PRPF39: variants seen among roughly 807,000 people sequenced by gnomAD.
PRPF39 encodes the protein pre-mRNA-processing factor 39.
In PRPF39, 27 loss-of-function variants were observed where a neutral mutation model predicts 82.1. The observed-to-expected ratio is 0.33, with a 90% confidence interval of 0.24 to 0.45. PRPF39 has a LOEUF of 0.45. Ranked by LOEUF, PRPF39 falls within the 20% of genes least tolerant of loss-of-function variation. The pLI, the probability that PRPF39 is intolerant of heterozygous loss-of-function variation, is 1.00. For missense variants in PRPF39, 581 were observed against 796.9 expected (o/e 0.73, Z 3.26); for synonymous variants, 261 against 256.4 (o/e 1.02, Z -0.17).
intron 4 of PRPF39, among the ~76,000 whole-genome samples, chr14:45,100,306 C>T (rs376140985): frequency 1.3e-5 from 2 of 152,160 alleles, no homozygotes; most frequent in South Asian, 2.1e-4. Flanking sequence ...TTGTATGGGG[C>T]ATTGTCAGTT....
intron 12 of PRPF39, 68 bp downstream of exon 12, chr14:45,114,325 T>G: frequency 7.0e-7 from 1 of 1,419,204 alleles, no homozygotes; most frequent in Non-Finnish European, 9.7e-7. Context: ...GACAAATGTT[T>G]TTAAGTGTTA....
In PRPF39 at chr14:45,109,663, A is replaced by C; in HGVS notation, c.1059A>C (p.Leu353=). The change falls in exon 8 of 14, where the codon CTA becomes CTC. Residue 353 remains leucine (L), a synonymous_variant. Coordinates refer to ENST00000355765, the MANE Select transcript of PRPF39 (RefSeq NM_017922.4). ...FHVKPLEKAQ[L]KNWKEYLEFE... ...TGAAACCTTTGGAAAAGGCACAACT[A>C]AAAAACTGGAAAGAATACTTAGAAT... is the stretch of plus-strand genomic sequence containing the variant. The C allele has an allele frequency of 6.2e-7, 1 of 1,607,666 alleles. No homozygotes were observed. Among genetic ancestry groups the C allele is most frequent in the East Asian group, 2.2e-5 (1 of 44,788 alleles).
At chr14:45,097,077 A>G in intron 4 of PRPF39, 72 bp downstream of exon 4, 1 of 1,435,908 alleles carries the variant, frequency 7.0e-7, no homozygotes, top group Non-Finnish European at 9.1e-7. Flanking sequence ...AATAGAGCTC[A>G]TGAAAGCTAA....
Position 45,102,683 on chromosome 14 carries a change from C to A in PRPF39, c.724C>A (p.His242Asn). The A allele has an allele frequency of 6.3e-7, 1 of 1,595,972 alleles. No individual in the cohort carries two copies. Among genetic ancestry groups the A allele is most frequent in the South Asian group, 1.2e-5 (1 of 86,650 alleles). The change falls in exon 5 of 14, where the codon CAT becomes AAT. Residue 242 changes from histidine to asparagine, a missense_variant. By Grantham distance (68) the His-to-Asn change is moderately conservative (BLOSUM62 1). Transcript: ENST00000355765. ...TGGTATTCCAACACAGCTGTATAGT[C>A]ATCATTTTCAGAGGTAGGTGGGAAA... ...ILGIPTQLYS[H>N]HFQRFKEHVQ...
At chr14:45,099,518 C>T (rs931583670) in intron 4 of PRPF39, among the ~76,000 whole-genome samples, 2 of 152,044 alleles carry the variant, frequency 1.3e-5, no homozygotes, top group Non-Finnish European at 2.9e-5. Flanking sequence ...GATCTCGGCT[C>T]ACTGCAAGCT....
At chr14:45,104,499 G>A (rs1171448767) in intron 5 of PRPF39, among the ~76,000 whole-genome samples, 2 of 151,782 alleles carry the variant, frequency 1.3e-5, no homozygotes, top group Non-Finnish European at 2.9e-5. Context: ...TGTACCTGTT[G>A]ATAGGCTATT....
intron 6 of PRPF39, 35 bp from the exon 7 acceptor site, chr14:45,108,380 T>G: frequency 6.4e-7 from 1 of 1,554,982 alleles, no homozygotes; most frequent in Non-Finnish European, 8.6e-7. Flanking sequence ...GTATACAGTT[T>G]GTGAGATTTA....
rs142868617 is a variant in PRPF39, at chr14:45,094,000, A to G, written c.-19-1221A>G. Among the ~76,000 whole-genome samples, 486 of 152,184 alleles carry G rather than the reference A, an allele frequency of 3.2e-3. 1 individual carries two copies. The highest frequency in any genetic ancestry group is 0.011 in the African/African-American group (470 of 41,540). ...GCTATTTGGTACACTCATTATTTTG[A>G]TTTATGTCTTTATTAGTAAAGATAT... On this transcript the variant is annotated intron_variant, in intron 1 of 13. Transcript: ENST00000355765.
In PRPF39 at chr14:45,110,971, T is replaced by C; in HGVS notation, c.1572+154T>C. 1.3e-6 allele frequency: 1 copy of C among 764,150 alleles called. No individual in the cohort carries two copies. Among genetic ancestry groups the C allele is most frequent in the Non-Finnish European group, 2.0e-6 (1 of 497,312 alleles). The allele number at this position is 764,150 out of a possible 1,614,324, so 47.3% of individuals were successfully genotyped here. ...GTCCCTCTAAACTGATGTTGCCATT[T>C]AAAAATTTTTTTCAAATTGTTTTGA... On this transcript the variant is annotated intron_variant, in intron 10 of 13. Coordinates refer to ENST00000355765, the MANE Select transcript of PRPF39 (RefSeq NM_017922.4). This position sits in a 1 kb window ranked among gnomAD's most constrained non-coding sequence, Gnocchi z 4.0.
chr14:45,096,172 T>C lies in PRPF39; in HGVS notation c.394T>C (p.Trp132Arg). 6.3e-7 allele frequency: 1 copy of C among 1,591,938 alleles called. No homozygotes were observed. Among genetic ancestry groups the C allele is most frequent in the South Asian group, 1.1e-5 (1 of 87,448 alleles). ...ACACTATCCGTATTGCTATGGTTAC[T>C]GGAAAAAGTATGCAGACCTTGAAAA... ...FIHYPYCYGY[W>R]KKYADLEKRH... The change falls in exon 3 of 14, where the codon TGG (tryptophan) becomes CGG (arginine). Residue 132 changes from tryptophan (W) to arginine (R), a missense_variant. Physicochemically the swap from Trp to Arg is moderately radical, Grantham distance 101. Transcript: ENST00000355765.
chr14:45,114,631 A>T lies in PRPF39; in HGVS notation c.1953+17A>T. On this transcript the variant is annotated intron_variant, in intron 13 of 13. Coordinates refer to ENST00000355765, the MANE Select transcript of PRPF39 (RefSeq NM_017922.4). ...TGGTATCAAGTGAGTCTGCATAATTATAATTCTTTGTTCATAGATGTTATT... is the reference window on the plus strand; with the variant it reads ...TGGTATCAAGTGAGTCTGCATAATTTTAATTCTTTGTTCATAGATGTTATT... The T allele has an allele frequency of 6.3e-7, 1 of 1,592,480 alleles. No homozygotes were observed. Among genetic ancestry groups the T allele is most frequent in the South Asian group, 1.2e-5 (1 of 85,864 alleles).
rs1199403861 is a variant in PRPF39, at chr14:45,102,727, C to T, written c.737+31C>T. The T allele has an allele frequency of 4.0e-6, 6 of 1,518,296 alleles. No individual in the cohort carries two copies. In the African/African-American group the frequency reaches 5.6e-5, roughly 14 times the overall value. The allele number at this position is 1,518,296 out of a possible 1,614,324, so 94.1% of individuals were successfully genotyped here. A position where few individuals can be genotyped will look rare whatever the true frequency, so the allele number is the denominator to read the frequency against. On this transcript the variant is annotated intron_variant, in intron 5 of 13. Coordinates refer to ENST00000355765, the MANE Select transcript of PRPF39 (RefSeq NM_017922.4). ...TGGGAAATTCTGATCATTGAAACAT[C>T]TTTGATTACTCAGATAGTTGGTAAT... is the stretch of plus-strand genomic sequence containing the variant.
chr14:45,090,581 C>T (rs1246237497), intron 1 of PRPF39, among the ~76,000 whole-genome samples: 6 of 152,102 alleles, frequency 3.9e-5, no homozygotes, highest in Non-Finnish European at 7.4e-5. Context: ...GAATAGTTTA[C>T]CATTCTTTTT....
At position 45,095,421 on chromosome 14, in the gene PRPF39, C is replaced by G. The variant is rs776429349; in HGVS notation, c.182C>G (p.Ala61Gly). ...GCATCTACAGAAGAAACTGAAATGG[C>G]AAGTGCTGTGGACCTTCCAGTGACG... ...VNASTEETEM[A>G]SAVDLPVTLT... Residue 61 changes from alanine (A) to glycine (G), a missense_variant, in exon 2 of 14, where the codon GCA (alanine) becomes GGA (glycine). Transcript: ENST00000355765. 324 of 1,613,872 alleles carry G rather than the reference C, an allele frequency of 2.0e-4. No homozygotes were observed. The highest frequency in any genetic ancestry group is 2.7e-4 in the Non-Finnish European group (321 of 1,179,894).
intron 2 of PRPF39, 103 bp downstream of exon 2, chr14:45,095,666 AT>A: frequency 1.4e-6 from 2 of 1,386,218 alleles, no homozygotes; most frequent in Non-Finnish European, 1.9e-6. Context: ...TTGACTCATA[AT>A]TTTCAAATGA....
intron 4 of PRPF39, 119 bp downstream of exon 4, chr14:45,097,124 T>G: frequency 7.4e-7 from 1 of 1,358,036 alleles, no homozygotes; most frequent in African/African-American, 1.5e-5. Flanking sequence ...GTTAAAAAAA[T>G]GATACATGTA....
At chr14:45,100,515 A>T (rs1356628383) in intron 4 of PRPF39, among the ~76,000 whole-genome samples, 2 of 152,226 alleles carry the variant, frequency 1.3e-5, no homozygotes, top group Non-Finnish European at 2.9e-5. Context: ...CTCACGATTC[A>T]TTAAGTATAC....
intron 1 of PRPF39, among the ~76,000 whole-genome samples, chr14:45,089,573 G>A (rs978669985): frequency 2.6e-5 from 4 of 152,064 alleles, no homozygotes; most frequent in African/African-American, 7.2e-5. Flanking sequence ...TTCAGCCTCC[G>A]GCTAATTTTT....
intron 5 of PRPF39, among the ~76,000 whole-genome samples, chr14:45,104,718 A>G (rs943060669): frequency 2.0e-5 from 3 of 152,132 alleles, no homozygotes; most frequent in African/African-American, 7.2e-5. Flanking sequence ...TCTAATTTAA[A>G]TCCTTCTTTA....
Sources: gnomAD v4.1 joint callset for allele counts (sites outside exome capture counted in the v4.1 genomes callset) on GRCh38, gnomAD v4.1.1 for gene constraint, Gnocchi (gnomAD v3.1) non-coding constraint, MANE v1.5 for transcripts, NCBI Gene and HGNC (gene_info 2026-07-23, HGNC 2026-07-21) for gene names.